Variants in SEC16B observed in about 807,000 individuals in gnomAD.
SEC16B encodes protein transport protein Sec16B.
SEC16B carries 115 observed loss-of-function variants against 141.8 expected under a neutral mutation model. The ratio of observed to expected loss-of-function variants is 0.81; its 90% confidence interval spans 0.70 to 0.95. The LOEUF (loss-of-function observed/expected upper bound fraction) is 0.95, where lower values mean the gene tolerates loss of function less well. Ranked by LOEUF, SEC16B falls within the 40% of genes least tolerant of loss-of-function variation. The pLI is 0.00. For missense variants in SEC16B, 1,291 were observed against 1,312.3 expected (o/e 0.98, Z 0.25); for synonymous variants, 493 against 492.5 (o/e 1.00, Z -0.01).
Position 177,959,362 on chromosome 1 carries a change from G to A in SEC16B, c.999-387C>T, listed in dbSNP as rs1432404275. On this transcript the variant is annotated intron_variant, in intron 8 of 25. Coordinates refer to ENST00000308284, the MANE Select transcript of SEC16B (RefSeq NM_033127.4). The stretch of plus-strand genomic sequence containing the variant: ...AGCTTTGTCCCCTAAAATAGGGACA[G>A]TAAAAGGACCTACCTCCATACAAAA... 1.5e-5 allele frequency: 4 copies of A among 260,220 alleles called. No homozygotes were observed. In the East Asian group the frequency reaches 3.9e-4, roughly 25 times the overall value. The allele number at this position is 260,220 out of a possible 1,614,324, so 16.1% of individuals were successfully genotyped here. A position where few individuals can be genotyped will look rare whatever the true frequency, so the allele number is the denominator to read the frequency against.
chr1:177,950,443 T>C (rs1004031843), intron 12 of SEC16B, among the ~76,000 whole-genome samples: 1 of 151,920 alleles, frequency 6.6e-6, no homozygotes, highest in African/African-American at 2.4e-5. Flanking sequence ...AAACCTAATA[T>C]AAATAACTGG....
chr1:177,965,216 G>T (rs72703030), intron 3 of SEC16B, 49 bp from the exon 4 acceptor site: 369,091 of 1,600,876 alleles, frequency 0.23, 44,457 homozygotes, highest in East Asian at 0.34. Flanking sequence ...TCCTGTTTCT[G>T]AAAGTTCTTA....
intron 2 of SEC16B, 92 bp from the exon 3 acceptor site, chr1:177,966,097 G>A (rs918357983): frequency 1.4e-6 from 1 of 717,356 alleles, no homozygotes; most frequent in Non-Finnish European, 2.3e-6. Context: ...CAGGTTCAGA[G>A]GACAGAGTTG....
At chr1:177,963,931 C>A (rs1653287562) in intron 5 of SEC16B, among the ~76,000 whole-genome samples, 1 of 152,158 alleles carries the variant, frequency 6.6e-6, no homozygotes, top group Admixed American at 6.5e-5. Context: ...ATTTCTTGAT[C>A]CTGTCAATTT....
intron 1 of SEC16B, among the ~76,000 whole-genome samples, chr1:177,977,237 TGA>T (rs2102025056): frequency 6.6e-6 from 1 of 152,262 alleles, no homozygotes; most frequent in African/African-American, 2.4e-5. Flanking sequence ...TGGAAAATTT[TGA>T]GAGATGCACT....
rs370644529 is a variant in SEC16B, at chr1:177,958,145, T to G, written c.1352A>C (p.Tyr451Ser). Reference protein sequence around the residue: ...IVEKFTRLLYYGRKKEALEWA... With the variant: ...IVEKFTRLLYSGRKKEALEWA... Reference sequence around the variant, plus strand: ...GGGCATACTTGCCTTCTTCCTTCCATAGTAGAGCAGCCTAGTGAATTTCTC... The same window carrying G: ...GGGCATACTTGCCTTCTTCCTTCCAGAGTAGAGCAGCCTAGTGAATTTCTC... Residue 451 changes from tyrosine to serine, a missense_variant, in exon 10 of 26, where the codon TAT becomes TCT. Physicochemically the swap from Tyr to Ser is moderately radical, Grantham distance 144. Transcript: ENST00000308284. 7 of 1,523,030 alleles carry G rather than the reference T, an allele frequency of 4.6e-6. No homozygotes were observed. In the African/African-American group the frequency reaches 6.9e-5, roughly 15 times the overall value. 94.3% of individuals were successfully genotyped at this position (1,523,030 alleles called of 1,614,324 possible).
In SEC16B at chr1:177,948,459, A is replaced by G. The variant is rs933261938; in HGVS notation, c.1546-517T>C. ...TCCTCTTAATCTTCACAGGAACCCT[A>G]TGAAGTCTAGTTCCTACTGCCACTT... is the stretch of plus-strand genomic sequence containing the variant. On this transcript the variant is annotated intron_variant, in intron 12 of 25. Coordinates refer to ENST00000308284, the MANE Select transcript of SEC16B (RefSeq NM_033127.4). 1.8e-5 allele frequency: 23 copies of G among 1,302,246 alleles called. No homozygotes were observed. In the Admixed American group the frequency reaches 2.3e-4, roughly 13 times the overall value. The allele number at this position is 1,302,246 out of a possible 1,614,324, so 80.7% of individuals were successfully genotyped here. A position where few individuals can be genotyped will look rare whatever the true frequency, so the allele number is the denominator to read the frequency against.
At chr1:177,948,507 A>T in intron 12 of SEC16B, 1 of 1,304,290 alleles carries the variant, frequency 7.7e-7, no homozygotes, top group Non-Finnish European at 1.0e-6. Flanking sequence ...AATCAAGCCA[A>T]GTGGCCCAGC....
chr1:177,944,961 T>C (rs1400035096), intron 14 of SEC16B, among the ~76,000 whole-genome samples: 1 of 151,966 alleles, frequency 6.6e-6, no homozygotes, highest in Non-Finnish European at 1.5e-5. Context: ...TGCTGAAGGG[T>C]AACTCAAGGC....
At chr1:177,931,030 G>A (rs1302920817) in intron 24 of SEC16B, among the ~76,000 whole-genome samples, 3 of 152,148 alleles carry the variant, frequency 2.0e-5, no homozygotes, top group Admixed American at 2.0e-4. Context: ...TCCTTAAAGA[G>A]CTAAAAGTAG....
At chr1:177,966,494 G>A (rs539316547) in intron 2 of SEC16B, among the ~76,000 whole-genome samples, 46 of 152,074 alleles carry the variant, frequency 3.0e-4, no homozygotes, top group African/African-American at 8.0e-4. Flanking sequence ...TCCTGAACAC[G>A]CCTCTCTTTG....
At chr1:177,965,280 A>G (rs1402185532) in intron 3 of SEC16B, 113 bp from the exon 4 acceptor site, 21 of 1,315,152 alleles carry the variant, frequency 1.6e-5, no homozygotes, top group Non-Finnish European at 2.1e-5. Context: ...ATCTAAAAAC[A>G]TATTTTCCAA....
intron 12 of SEC16B, chr1:177,948,691 A>G: frequency 8.0e-7 from 1 of 1,244,004 alleles, no homozygotes; most frequent in Non-Finnish European, 1.0e-6. Flanking sequence ...GAAACAATAT[A>G]ATGTCATGGA....
chr1:177,970,070 GCAAAGTACAGCC>G (rs1653860494), upstream of SEC16B: 1 of 152,308 alleles, frequency 6.6e-6, no homozygotes, highest in Admixed American at 6.5e-5. Flanking sequence ...ATTCATTAGG[GCAAAGTACAGCC>G]CAGATACCGC....
chr1:177,960,146 C>T, intron 8 of SEC16B, 196 bp downstream of exon 8: 2 of 569,088 alleles, frequency 3.5e-6, no homozygotes, highest in South Asian at 2.6e-5. Flanking sequence ...TCTTTCTGTC[C>T]TTCAACTATT....
Position 177,967,905 on chromosome 1 carries a change from C to A in SEC16B, c.77G>T (p.Gly26Val), listed in dbSNP as rs2102005527. The A allele has an allele frequency of 6.2e-7, 1 of 1,613,974 alleles. No homozygotes were observed. Among genetic ancestry groups the A allele is most frequent in the East Asian group, 2.2e-5 (1 of 44,868 alleles). Residue 26 changes from glycine (G) to valine (V), a missense_variant, in exon 2 of 26, where the codon GGG becomes GTG. Transcript: ENST00000308284. ...ATAPSKDPDR[G>V]FRRDGHHRPV... ...CCGATGATGTCCATCTCTCCGAAAC[C>A]CTCGGTCTGGATCCTTTGAGGGTGC...
At chr1:177,930,475 G>A (rs1486959079) in intron 25 of SEC16B, 70 bp downstream of exon 25, 28 of 1,007,826 alleles carry the variant, frequency 2.8e-5, no homozygotes, top group Admixed American at 1.3e-4. Flanking sequence ...AAACTGGGAT[G>A]ATAAACCTAG....
intron 18 of SEC16B, among the ~76,000 whole-genome samples, chr1:177,938,267 G>A (rs764696764): frequency 6.6e-6 from 1 of 152,214 alleles, no homozygotes; most frequent in Non-Finnish European, 1.5e-5. Context: ...CCAGTTTACA[G>A]AGGCTCCCCA....
At chr1:177,954,009 G>A (rs1297628000) in intron 11 of SEC16B, among the ~76,000 whole-genome samples, 1 of 152,140 alleles carries the variant, frequency 6.6e-6, no homozygotes, top group Non-Finnish European at 1.5e-5. Flanking sequence ...AAGAAAGAAG[G>A]CTACTGCAAT....
Sources: allele counts gnomAD v4.1 joint callset (sites outside exome capture counted in the v4.1 genomes callset), GRCh38; gene constraint gnomAD v4.1.1; transcripts MANE v1.5; gene names NCBI Gene and HGNC (gene_info 2026-07-23, HGNC 2026-07-21).